ARFGEF2: variants seen among roughly 807,000 people sequenced by gnomAD.
The protein encoded by ARFGEF2 is brefeldin A-inhibited guanine nucleotide-exchange protein 2.
A neutral mutation model predicts 219.9 loss-of-function variants in ARFGEF2; 74 were observed. That is an observed-to-expected ratio of 0.34 (90% CI 0.28 to 0.41). The LOEUF (loss-of-function observed/expected upper bound fraction) is 0.41, where lower values mean the gene tolerates loss of function less well. Among genes scored for constraint, ARFGEF2 ranks in the 10% least tolerant of loss-of-function variants. The pLI is 1.00. For synonymous variants in ARFGEF2, 733 were observed against 799.2 expected (o/e 0.92, Z 1.40); for missense variants, 1,743 against 2,218.3 (o/e 0.79, Z 4.30).
chr20:48,969,362 G>A, intron 9 of ARFGEF2, 85 bp downstream of exon 9: 1 of 1,610,382 alleles, frequency 6.2e-7, no homozygotes, highest in Non-Finnish European at 8.5e-7. Flanking sequence ...CTTGTTCCAA[G>A]AAGTTTCAGT....
intron 30 of ARFGEF2, among the ~76,000 whole-genome samples, chr20:49,015,780 T>G (rs62210369): frequency 6.6e-6 from 1 of 152,310 alleles, no homozygotes. Context: ...CTGTATCACA[T>G]TGAAAAAGTG....
chr20:49,014,553 C>CA (rs572857749), intron 30 of ARFGEF2, among the ~76,000 whole-genome samples: 56 of 152,034 alleles, frequency 3.7e-4, no homozygotes, highest in South Asian at 3.5e-3. Flanking sequence ...TAGGCAAACA[C>CA]AAAAAAATTC....
At chr20:48,943,668 T>G (rs1181644082) in intron 3 of ARFGEF2, among the ~76,000 whole-genome samples, 2 of 152,198 alleles carry the variant, frequency 1.3e-5, no homozygotes, top group Non-Finnish European at 2.9e-5. Flanking sequence ...ACTCCTGGGC[T>G]CAAACAGTCC....
intron 1 of ARFGEF2, among the ~76,000 whole-genome samples, chr20:48,935,052 T>C (rs1262563959): frequency 6.6e-6 from 1 of 152,220 alleles, no homozygotes; most frequent in South Asian, 2.1e-4. Context: ...CCATTCTAAC[T>C]GGCGTGAGAT....
rs1284095940 is a variant in ARFGEF2 at position 48,963,966 on chromosome 20, T to C, written c.907+68T>C. 2.7e-6 allele frequency: 4 copies of C among 1,468,868 alleles called. No individual in the cohort carries two copies. The African/African-American group carries it at 5.6e-5, about 20-fold the overall frequency. The allele number at this position is 1,468,868 out of a possible 1,614,324, so 91.0% of individuals were successfully genotyped here. A position where few individuals can be genotyped will look rare whatever the true frequency, so the allele number is the denominator to read the frequency against. On this transcript the variant is annotated intron_variant, in intron 7 of 38. Transcript: ENST00000371917. Reference sequence around the variant, plus strand: ...CTCCAAAAAGTCCTCAGCAAAATATTTTAGTGGTGGAGTTTCCTCTTCCCT... The same window carrying C: ...CTCCAAAAAGTCCTCAGCAAAATATCTTAGTGGTGGAGTTTCCTCTTCCCT...
At position 48,951,414 on chromosome 20, in the gene ARFGEF2, G is replaced by C; in HGVS notation, c.368G>C (p.Cys123Ser). Residue 123 changes from cysteine (C) to serine (S), a missense_variant, in exon 4 of 39, where the codon TGC becomes TCC. Cys to Ser is a moderately radical substitution (Grantham distance 112). This residue lies in a region of ARFGEF2 where 394 missense variants were observed against 426.6 expected (regional missense o/e 0.92). Coordinates refer to ENST00000371917, the MANE Select transcript of ARFGEF2 (RefSeq NM_006420.3). The part of the protein sequence containing the change: ...RLIDRIVETI[C>S]SCFQGPQTDE... ...ATCGACAGAATTGTTGAAACCATTT[G>C]CAGTTGTTTTCAGGGCCCTCAGACT... 3 of 1,614,206 alleles carry C rather than the reference G, an allele frequency of 1.9e-6. No individual in the cohort carries two copies. Among genetic ancestry groups the C allele is most frequent in the Non-Finnish European group, 2.5e-6 (3 of 1,180,038 alleles).
intron 26 of ARFGEF2, among the ~76,000 whole-genome samples, chr20:49,005,810 A>G (rs1275547440): frequency 1.3e-5 from 2 of 151,948 alleles, no homozygotes; most frequent in African/African-American, 4.8e-5. Context: ...AGGGAGATTA[A>G]AGGAAGAGCC....
chr20:49,036,020 G>C lies in ARFGEF2; in HGVS notation c.*2821G>C, dbSNP rs940281807. The C allele has an allele frequency of 2.6e-6, 1 of 383,546 alleles. No homozygotes were observed. The highest frequency in any genetic ancestry group is 1.4e-4 in the South Asian group (1 of 6,948). 23.8% of individuals were successfully genotyped at this position (383,546 alleles called of 1,614,324 possible). ...AAAAAAAAAAACCTGTATTTTTTTT[G>C]TTGTTCTTTTGTGATTAAGGATATA... On this transcript the variant is annotated 3_prime_UTR_variant, in exon 39 of 39. Transcript: ENST00000371917.
chr20:48,956,906 G>A (rs2091109356), intron 6 of ARFGEF2, among the ~76,000 whole-genome samples: 1 of 152,130 alleles, frequency 6.6e-6, no homozygotes. Context: ...ACAGCAATAT[G>A]TTCCAAATGC....
In ARFGEF2 at chr20:48,994,197, G is replaced by A. The variant is rs565419898; in HGVS notation, c.2974-254G>A. Among the ~76,000 whole-genome samples, 18 of 152,262 alleles carry A rather than the reference G, an allele frequency of 1.2e-4. No homozygotes were observed. In the South Asian group the frequency reaches 2.9e-3, roughly 25 times the overall value. On this transcript the variant is annotated intron_variant, in intron 21 of 38. Transcript: ENST00000371917. ...AGGCCAATGAGGCTGGTGTCTTGTC[G>A]TCTCACGAGGAGGGTGGAAAAAGGA... is the stretch of plus-strand genomic sequence containing the variant.
At chr20:48,953,501 G>A in intron 5 of ARFGEF2, 55 bp from the exon 6 acceptor site, 4 of 1,540,160 alleles carry the variant, frequency 2.6e-6, no homozygotes, top group Non-Finnish European at 3.6e-6. Context: ...GTAATAGGCT[G>A]GCATAATTTT....
In ARFGEF2 at chr20:49,024,849, A is replaced by G. The variant is rs140088904; in HGVS notation, c.4756-464A>G. Among the ~76,000 whole-genome samples, 286 of 152,256 alleles carry G rather than the reference A, an allele frequency of 1.9e-3. 1 individual carries two copies. Among genetic ancestry groups the G allele is most frequent in the African/African-American group, 6.6e-3 (273 of 41,540 alleles). ...CGTCTTTACTAAAAATACAAAAATG[A>G]GCTGGGCATGGTGGCGAGCACCTGT... On this transcript the variant is annotated intron_variant, in intron 35 of 38. Transcript: ENST00000371917.
At chr20:48,990,725 G>A (rs1280440008) in intron 20 of ARFGEF2, among the ~76,000 whole-genome samples, 1 of 152,200 alleles carries the variant, frequency 6.6e-6, no homozygotes. Flanking sequence ...TGGCAGAATT[G>A]TTGCAGATGT....
chr20:48,997,344 C>T (rs1407240586), intron 23 of ARFGEF2, among the ~76,000 whole-genome samples: 1 of 152,184 alleles, frequency 6.6e-6, no homozygotes, highest in East Asian at 1.9e-4. Flanking sequence ...GTGATCTTGG[C>T]TCACTGCAAC....
chr20:48,935,798 G>A (rs1213648069), intron 1 of ARFGEF2, among the ~76,000 whole-genome samples: 3 of 145,134 alleles, frequency 2.1e-5, no homozygotes, highest in East Asian at 2.1e-4. Flanking sequence ...CCTCCCGGAC[G>A]GGGCGGCTGG....
chr20:48,938,851 A>AG (rs1234069191), intron 1 of ARFGEF2, among the ~76,000 whole-genome samples: 1 of 151,782 alleles, frequency 6.6e-6, no homozygotes, highest in East Asian at 1.9e-4. Flanking sequence ...CTGGGTGGAG[A>AG]GGGGGTCCTG....
chr20:49,032,283 A>G (rs550429666), intron 38 of ARFGEF2, 117 bp downstream of exon 38: 122 of 786,754 alleles, frequency 1.6e-4, no homozygotes, highest in Non-Finnish European at 2.6e-4. Flanking sequence ...TTACGTGACT[A>G]GCACCATTCT....
At chr20:48,973,610 C>T (rs759367309) in intron 12 of ARFGEF2, among the ~76,000 whole-genome samples, 1 of 152,156 alleles carries the variant, frequency 6.6e-6, no homozygotes, top group Non-Finnish European at 1.5e-5. Context: ...CATTCTCAGT[C>T]ACCCTTCCAA....
At chr20:49,017,986 G>A (rs998107051) in intron 33 of ARFGEF2, among the ~76,000 whole-genome samples, 45 of 152,126 alleles carry the variant, frequency 3.0e-4, no homozygotes, top group African/African-American at 1.0e-3. Flanking sequence ...GTGCTTTGGC[G>A]TAACTGTGCT....
Sources: allele counts gnomAD v4.1 joint callset (sites outside exome capture counted in the v4.1 genomes callset), GRCh38; gene constraint gnomAD v4.1.1; regional missense constraint gnomAD v4.1.1; transcripts MANE v1.5; gene names NCBI Gene and HGNC (gene_info 2026-07-23, HGNC 2026-07-21).